Variants in JCAD observed in about 807,000 individuals in gnomAD.
JCAD encodes junctional cadherin 5 associated.
A neutral mutation model predicts 98.0 loss-of-function variants in JCAD; 40 were observed. The observed-to-expected ratio is 0.41, with a 90% CI of 0.32 to 0.53. JCAD has a LOEUF of 0.53. Ranked by LOEUF, JCAD falls within the 20% of genes least tolerant of loss-of-function variation. The probability of loss-of-function intolerance (pLI) is 0.31; values close to 1 mark genes in which losing one functional copy is unlikely to be tolerated. For missense variants in JCAD, 1,705 were observed against 1,738.1 expected (o/e 0.98, Z 0.34); for synonymous variants, 691 against 682.3 (o/e 1.01, Z -0.20).
intron 1 of JCAD, among the ~76,000 whole-genome samples, chr10:30,075,170 T>A (rs1324942126): frequency 6.6e-6 from 1 of 152,206 alleles, no homozygotes; most frequent in Non-Finnish European, 1.5e-5. Context: ...TTCTAGGAAA[T>A]GTCTTATTCT....
rs957755977 is a variant in JCAD, at chr10:30,015,274, T to C, written c.*2609A>G. The C allele has an allele frequency of 3.9e-5, 6 of 152,240 alleles. No individual in the cohort carries two copies. Among genetic ancestry groups the C allele is most frequent in the East Asian group, 3.9e-4 (2 of 5,184 alleles). 9.4% of individuals were successfully genotyped at this position (152,240 alleles called of 1,614,324 possible). ...GAAGAACAAAGACAAATACAAAATATAGAAACTTTTTCTTCCAGCCACAAA... is the reference window on the plus strand; with the variant it reads ...GAAGAACAAAGACAAATACAAAATACAGAAACTTTTTCTTCCAGCCACAAA... On this transcript the variant is annotated 3_prime_UTR_variant, in exon 4 of 4. Transcript: ENST00000375377.
chr10:30,050,131 A>G (rs1395936164), intron 1 of JCAD, among the ~76,000 whole-genome samples: 1 of 151,922 alleles, frequency 6.6e-6, no homozygotes, highest in Non-Finnish European at 1.5e-5. Flanking sequence ...CTTGGCCAAC[A>G]TGGTGAGAGC....
At chr10:30,020,326 C>CAAAAAA (rs59762991) in intron 3 of JCAD, among the ~76,000 whole-genome samples, 282 of 81,216 alleles carry the variant, frequency 3.5e-3, no homozygotes, top group East Asian at 6.5e-3. Context: ...GACTCGGTCT[C>CAAAAAA]AAAAAAAAAA....
Position 30,027,882 on chromosome 10 carries a change from G to A in JCAD, c.2266C>T (p.Leu756Phe), listed in dbSNP as rs1358065230. 6.2e-7 allele frequency: 1 copy of A among 1,614,136 alleles called. No homozygotes were observed. The highest frequency in any genetic ancestry group is 8.5e-7 in the Non-Finnish European group (1 of 1,180,050). The change falls in exon 3 of 4, where the codon CTC (leucine) becomes TTC (phenylalanine). Residue 756 changes from leucine (L) to phenylalanine (F), a missense_variant. Around this residue, in one of 3 missense-constraint regions of JCAD, gnomAD observed 1,278 missense variants for 1,243.1 expected, o/e 1.03. Transcript: ENST00000375377. Reference sequence around the variant, plus strand: ...AACGCACTGTTGCTGGATGGGCTGAGGGACCTGTGACCTTTCAGGTTACGG... The same window carrying A: ...AACGCACTGTTGCTGGATGGGCTGAAGGACCTGTGACCTTTCAGGTTACGG... ...SARNLKGHRS[L>F]SPSSNSAFSR...
At chr10:30,070,937 G>T (rs569943650) in intron 1 of JCAD, among the ~76,000 whole-genome samples, 5 of 152,280 alleles carry the variant, frequency 3.3e-5, no homozygotes, top group African/African-American at 1.2e-4. Flanking sequence ...ACGGAGTCTC[G>T]CTTTATCGCT....
intron 1 of JCAD, among the ~76,000 whole-genome samples, chr10:30,056,876 C>G (rs1263022383): frequency 1.3e-5 from 2 of 152,130 alleles, no homozygotes; most frequent in African/African-American, 4.8e-5. Context: ...AAGCATATAT[C>G]AAAGCCCAAC....
chr10:30,027,258 C>T lies in JCAD; in HGVS notation c.2890G>A (p.Gly964Arg), dbSNP rs747802706. The T allele has an allele frequency of 1.9e-6, 3 of 1,614,190 alleles. No homozygotes were observed. The highest frequency in any genetic ancestry group is 2.2e-5 in the East Asian group (1 of 44,880). ...AEKRHLEVSN[G>R]MDELAGSPFP... Reference sequence around the variant, plus strand: ...GGGCTACCTGCCAGCTCGTCCATTCCGTTGCTAACCTCCAGGTGTCTCTTC... The same window carrying T: ...GGGCTACCTGCCAGCTCGTCCATTCTGTTGCTAACCTCCAGGTGTCTCTTC... The change falls in exon 3 of 4, where the codon GGA becomes AGA. Residue 964 changes from glycine (G) to arginine (R), a missense_variant. This residue lies in a region of JCAD where 1,278 missense variants were observed against 1,243.1 expected (regional missense o/e 1.03). Coordinates refer to ENST00000375377, the MANE Select transcript of JCAD (RefSeq NM_020848.4).
intron 1 of JCAD, among the ~76,000 whole-genome samples, chr10:30,070,647 G>A (rs1384452398): frequency 6.6e-6 from 1 of 152,196 alleles, no homozygotes; most frequent in Non-Finnish European, 1.5e-5. Context: ...ACTGGTCACA[G>A]ATGTAGCATT....
At chr10:30,020,858 C>T (rs533925390) in intron 3 of JCAD, among the ~76,000 whole-genome samples, 1 of 152,320 alleles carries the variant, frequency 6.6e-6, no homozygotes, top group African/African-American at 2.4e-5. Flanking sequence ...GTGGAAGTCA[C>T]ACTTCGGCTA....
At chr10:30,057,028 T>C (rs1456968413) in intron 1 of JCAD, among the ~76,000 whole-genome samples, 1 of 152,116 alleles carries the variant, frequency 6.6e-6, no homozygotes, top group Non-Finnish European at 1.5e-5. Flanking sequence ...AAAAACAACA[T>C]CTGTTAAAAA....
chr10:30,040,732 A>G (rs1445889919), intron 2 of JCAD, among the ~76,000 whole-genome samples: 1 of 152,166 alleles, frequency 6.6e-6, no homozygotes, highest in Non-Finnish European at 1.5e-5. Flanking sequence ...CAGGCCCCAT[A>G]GCTGCACAGC....
At position 30,051,274 on chromosome 10, in the gene JCAD, ACACACGCACG is replaced by A. The variant is rs1454245449; in HGVS notation, c.-59-3413_-59-3404del. Among the ~76,000 whole-genome samples the A allele has an allele frequency of 3.3e-4, 40 of 120,702 alleles. 1 individual carries two copies. In the South Asian group the frequency reaches 4.4e-3, roughly 13 times the overall value. 79.2% of individuals were successfully genotyped at this position (120,702 alleles called of 152,430 possible). On this transcript the variant is annotated intron_variant, in intron 1 of 3. Transcript: ENST00000375377. The stretch of plus-strand genomic sequence containing the variant: ...ACACACCACACGCACACACGCACGC[ACACACGCACG>A]CACACACACACACACACACACACAA...
intron 2 of JCAD, among the ~76,000 whole-genome samples, chr10:30,045,714 G>A (rs1451906928): frequency 6.6e-6 from 1 of 152,126 alleles, no homozygotes; most frequent in Non-Finnish European, 1.5e-5. Context: ...AGAAGTGTGA[G>A]TTCTGAAGCA....
At chr10:30,087,218 G>A (rs939364843) in intron 1 of JCAD, among the ~76,000 whole-genome samples, 2 of 152,128 alleles carry the variant, frequency 1.3e-5, no homozygotes, top group African/African-American at 2.4e-5. Context: ...CGAGGCGGGC[G>A]GATCACCTAA....
intron 2 of JCAD, among the ~76,000 whole-genome samples, chr10:30,041,785 T>C (rs912808618): frequency 6.6e-6 from 1 of 152,248 alleles, no homozygotes; most frequent in African/African-American, 2.4e-5. Context: ...AAGTGTATTT[T>C]ACAGCTTCCT....
chr10:30,093,607 T>A (rs1838319505), intron 1 of JCAD, among the ~76,000 whole-genome samples: 1 of 152,222 alleles, frequency 6.6e-6, no homozygotes, highest in Non-Finnish European at 1.5e-5. Context: ...GCCAAATATG[T>A]CCTGAGCTCT....
chr10:30,060,692 T>C (rs1357440449), upstream of JCAD, among the ~76,000 whole-genome samples: 1 of 152,178 alleles, frequency 6.6e-6, no homozygotes, highest in Non-Finnish European at 1.5e-5. Flanking sequence ...ACTAACTTTT[T>C]TTGCTCTATT....
intron 2 of JCAD, among the ~76,000 whole-genome samples, chr10:30,043,126 C>CT (rs1837274936): frequency 6.6e-6 from 1 of 152,196 alleles, no homozygotes; most frequent in South Asian, 2.1e-4. Flanking sequence ...TTGTCTTTCT[C>CT]CCCAACAGAA....
chr10:30,075,777 C>T (rs954640750), intron 1 of JCAD, among the ~76,000 whole-genome samples: 2 of 152,028 alleles, frequency 1.3e-5, no homozygotes, highest in African/African-American at 2.4e-5. Context: ...GAAATGAGGG[C>T]GGGTTGCTCT....
Sources: gnomAD v4.1 joint callset for allele counts (sites outside exome capture counted in the v4.1 genomes callset) on GRCh38, gnomAD v4.1.1 for gene constraint, gnomAD v4.1.1 regional missense constraint, MANE v1.5 for transcripts, NCBI Gene and HGNC (gene_info 2026-07-23, HGNC 2026-07-21) for gene names.